RNF43: variants seen among roughly 807,000 people sequenced by gnomAD.
RNF43 encodes ring finger protein 43, also known as E3 ubiquitin-protein ligase RNF43.
RNF43 carries 37 observed loss-of-function variants against 78.4 expected under a neutral mutation model. The ratio of observed to expected loss-of-function variants is 0.47; its 90% confidence interval spans 0.36 to 0.62. RNF43 has a LOEUF of 0.62. RNF43 is among the 20% of genes least tolerant of loss of function. The pLI is 0.00. For missense variants in RNF43, 774 were observed against 1,007.9 expected, an observed-to-expected ratio of 0.77 and a Z score of 3.14; for synonymous variants, 347 against 395.0, an observed-to-expected ratio of 0.88 and a Z score of 1.44.
At chr17:58,372,571 C>T (rs1282118923) in intron 2 of RNF43, among the ~76,000 whole-genome samples, 1 of 152,180 alleles carries the variant, frequency 6.6e-6, no homozygotes, top group African/African-American at 2.4e-5. Flanking sequence ...CACGGAAGGC[C>T]CCCTTGGTGT....
At chr17:58,408,080 C>T (rs1262237831) in intron 2 of RNF43, among the ~76,000 whole-genome samples, 1 of 152,162 alleles carries the variant, frequency 6.6e-6, no homozygotes, top group Non-Finnish European at 1.5e-5. Flanking sequence ...AACTGCATCA[C>T]AATATTGTTG....
At chr17:58,356,289 G>A (rs961936798) in intron 9 of RNF43, among the ~76,000 whole-genome samples, 1 of 152,208 alleles carries the variant, frequency 6.6e-6, no homozygotes, top group Non-Finnish European at 1.5e-5. Context: ...CAGCTCCTAG[G>A]TCCTGCAGGA....
intron 2 of RNF43, among the ~76,000 whole-genome samples, chr17:58,412,386 T>C (rs1420866028): frequency 6.6e-6 from 1 of 152,150 alleles, no homozygotes; most frequent in African/African-American, 2.4e-5. Context: ...GCAACACCAT[T>C]TCCTCTTCTA....
At chr17:58,376,791 G>A (rs1040900309) in intron 2 of RNF43, among the ~76,000 whole-genome samples, 7 of 152,190 alleles carry the variant, frequency 4.6e-5, no homozygotes, top group African/African-American at 1.7e-4. Context: ...TGAGAAGGGT[G>A]TGGCTGTGGA....
In RNF43 at chr17:58,362,531, C is replaced by T. The variant is rs201974117; in HGVS notation, c.687+13G>A. ...CACACGTTCACCGCCGCCAAAGACC[C>T]CACACTGCTCACCGGCCTGCTGTGG... On this transcript the variant is annotated intron_variant, in intron 6 of 9. Coordinates refer to ENST00000407977, the MANE Select transcript of RNF43 (RefSeq NM_017763.6). 22 of 1,600,670 alleles carry T rather than the reference C, an allele frequency of 1.4e-5. No homozygotes were observed. The African/African-American group carries it at 1.9e-4, about 14-fold the overall frequency.
rs200166143 is a variant in RNF43 at position 58,358,220 on chromosome 17, C to A, written c.1556G>T (p.Arg519Leu). The A allele has an allele frequency of 1.2e-6, 2 of 1,613,502 alleles. No individual in the cohort carries two copies. The highest frequency in any genetic ancestry group is 1.7e-6 in the Non-Finnish European group (2 of 1,179,666). ...GGTCACACTAGGCTGCATGTCCACTCGCTGGGGATCCCCTTTAGGGCTGCA... is the reference window on the plus strand; with the variant it reads ...GGTCACACTAGGCTGCATGTCCACTAGCTGGGGATCCCCTTTAGGGCTGCA... ...VYCSPKGDPQRVDMQPSVTSR... is the reference protein window; with the variant it reads ...VYCSPKGDPQLVDMQPSVTSR... Residue 519 changes from arginine to leucine, a missense_variant, in exon 9 of 10, where the codon CGA (arginine) becomes CTA (leucine). Coordinates refer to ENST00000407977, the MANE Select transcript of RNF43 (RefSeq NM_017763.6). The surrounding 1 kb of genome is among the most constrained non-coding windows in gnomAD (Gnocchi z 6.2).
At chr17:58,411,023 G>A (rs1286358486) in intron 2 of RNF43, among the ~76,000 whole-genome samples, 1 of 152,102 alleles carries the variant, frequency 6.6e-6, no homozygotes, top group Non-Finnish European at 1.5e-5. Flanking sequence ...GATAATAATA[G>A]TTAATACTTT....
chr17:58,396,668 G>A (rs1402393847), intron 2 of RNF43, among the ~76,000 whole-genome samples: 1 of 152,014 alleles, frequency 6.6e-6, no homozygotes, highest in Non-Finnish European at 1.5e-5. Flanking sequence ...ACTGGTCTGA[G>A]GTTTGCTTAG....
intron 5 of RNF43, 150 bp from the exon 6 acceptor site, chr17:58,362,798 G>A: frequency 5.2e-6 from 3 of 572,344 alleles, no homozygotes; most frequent in Non-Finnish European, 9.2e-6. Context: ...CTGCAAGTGG[G>A]ATTAGGTGGG....
chr17:58,396,421 C>T (rs1973681005), intron 2 of RNF43, among the ~76,000 whole-genome samples: 1 of 152,240 alleles, frequency 6.6e-6, no homozygotes, highest in East Asian at 1.9e-4. Context: ...AAGCCTTAGA[C>T]AAGGCTGAAA....
In RNF43 at chr17:58,360,166, C is replaced by T. The variant is rs2143438698; in HGVS notation, c.935G>A (p.Cys312Tyr). Residue 312 changes from cysteine (C) to tyrosine (Y), a missense_variant, in exon 8 of 10, where the codon TGC (cysteine) becomes TAC (tyrosine). By Grantham distance (194) the Cys-to-Tyr change is radical. Coordinates refer to ENST00000407977, the MANE Select transcript of RNF43 (RefSeq NM_017763.6). The surrounding 1 kb of genome is among the most constrained non-coding windows in gnomAD (Gnocchi z 4.3). ...CCTCCTACCTGTGATGTTGAACATG[C>T]AGAGGGGGCAAGTCCGATGCTGATG... ...WLHQHRTCPL[C>Y]MFNITEGDSF... 6.2e-7 allele frequency: 1 copy of T among 1,613,678 alleles called. No individual in the cohort carries two copies. The highest frequency in any genetic ancestry group is 8.5e-7 in the Non-Finnish European group (1 of 1,179,728).
chr17:58,400,702 TAGAATACC>T (rs1973778421), intron 2 of RNF43, among the ~76,000 whole-genome samples: 1 of 152,256 alleles, frequency 6.6e-6, no homozygotes, highest in South Asian at 2.1e-4. Context: ...CTCCTCATTT[TAGAATACC>T]TTTTATGCCT....
chr17:58,405,410 G>T (rs1973884246), intron 2 of RNF43, among the ~76,000 whole-genome samples: 1 of 152,080 alleles, frequency 6.6e-6, no homozygotes, highest in South Asian at 2.1e-4. Flanking sequence ...TAAGCTACTT[G>T]AAGTTGCCTG....
chr17:58,397,769 A>T (rs1442159947), intron 2 of RNF43, among the ~76,000 whole-genome samples: 1 of 152,136 alleles, frequency 6.6e-6, no homozygotes, highest in Non-Finnish European at 1.5e-5. Context: ...ATGAGACCGC[A>T]GTCAAGTCCT....
intron 5 of RNF43, 88 bp from the exon 6 acceptor site, chr17:58,362,736 T>G: frequency 9.9e-7 from 1 of 1,007,078 alleles, no homozygotes; most frequent in Non-Finnish European, 1.5e-6. Flanking sequence ...GGGAGGCACA[T>G]AGCTAACTGG....
chr17:58,405,226 T>C (rs1170358813), intron 2 of RNF43, among the ~76,000 whole-genome samples: 1 of 151,786 alleles, frequency 6.6e-6, no homozygotes, highest in Non-Finnish European at 1.5e-5. Flanking sequence ...TACAGGTGCA[T>C]GCCGCCATGC....
chr17:58,357,821 G>T lies in RNF43; in HGVS notation c.1955C>A (p.Pro652Gln), dbSNP rs1363955065. 7 of 1,614,226 alleles carry T rather than the reference G, an allele frequency of 4.3e-6. No homozygotes were observed. In the Admixed American group the frequency reaches 1.2e-4, roughly 27 times the overall value. ...LQKSSLSARH[P>Q]QRKRRGGPSE... ...GGGACCCCCCCGCCTTTTCCTCTGT[G>T]GGTGTCGGGCAGAGAGGCTGGATTT... The change falls in exon 9 of 10, where the codon CCA becomes CAA. Residue 652 changes from proline (P) to glutamine (Q), a missense_variant. Coordinates refer to ENST00000407977, the MANE Select transcript of RNF43 (RefSeq NM_017763.6). The surrounding 1 kb of genome is among the most constrained non-coding windows in gnomAD (Gnocchi z 4.5).
At chr17:58,363,654 C>G (rs1972890427) in intron 3 of RNF43, 54 bp from the exon 4 acceptor site, 11 of 1,499,324 alleles carry the variant, frequency 7.3e-6, no homozygotes, top group Non-Finnish European at 9.1e-6. Context: ...ACAGAGCCCA[C>G]CCACAGGCTA....
chr17:58,411,924 T>C (rs1974032011), intron 2 of RNF43, among the ~76,000 whole-genome samples: 1 of 152,176 alleles, frequency 6.6e-6, no homozygotes, highest in Non-Finnish European at 1.5e-5. Flanking sequence ...CTTTTCCTTC[T>C]ACAATGGTAT....
Sources: gnomAD v4.1 joint callset for allele counts (sites outside exome capture counted in the v4.1 genomes callset) on GRCh38, gnomAD v4.1.1 for gene constraint, Gnocchi (gnomAD v3.1) non-coding constraint, MANE v1.5 for transcripts, NCBI Gene and HGNC (gene_info 2026-07-23, HGNC 2026-07-21) for gene names.